ELAVL4: variants seen among roughly 807,000 people sequenced by gnomAD.
ELAVL4 encodes the protein ELAV like RNA binding protein 4.
ELAVL4 carries 1 observed loss-of-function variant against 35.6 expected under a neutral mutation model. The ratio of observed to expected loss-of-function variants is 0.03; its 90% CI spans 0.01 to 0.13. The LOEUF is 0.13. Among genes scored for constraint, ELAVL4 ranks in the 10% least tolerant of loss-of-function variants. The pLI, the probability that ELAVL4 is intolerant of heterozygous loss-of-function variation, is 1.00. For synonymous variants in ELAVL4, 156 were observed against 171.0 expected, an observed-to-expected ratio of 0.91 and a Z score of 0.69; for missense variants, 267 against 464.9, an observed-to-expected ratio of 0.57 and a Z score of 3.91.
At chr1:50,172,593 G>T (rs1679214901) in intron 2 of ELAVL4, among the ~76,000 whole-genome samples, 1 of 152,080 alleles carries the variant, frequency 6.6e-6, no homozygotes, top group Admixed American at 6.6e-5. Context: ...ACTGTCTATG[G>T]CTGCTACACA....
At chr1:50,065,928 T>C (rs1390497293) in intron 1 of ELAVL4, among the ~76,000 whole-genome samples, 1 of 152,120 alleles carries the variant, frequency 6.6e-6, no homozygotes, top group Non-Finnish European at 1.5e-5. Context: ...GGCTTGTTCA[T>C]ATGACAGCTG....
intron 2 of ELAVL4, among the ~76,000 whole-genome samples, chr1:50,153,866 A>G (rs1675243652): frequency 6.6e-6 from 1 of 152,192 alleles, no homozygotes; most frequent in Admixed American, 6.5e-5. Flanking sequence ...AGAGACTGGA[A>G]TTTTCTCCAT....
chr1:50,054,885 C>T (rs973863229), intron 1 of ELAVL4, among the ~76,000 whole-genome samples: 27 of 152,214 alleles, frequency 1.8e-4, no homozygotes, highest in African/African-American at 5.8e-4. Flanking sequence ...ATATCTCAGA[C>T]AGAAGAAAAG....
intron 1 of ELAVL4, among the ~76,000 whole-genome samples, chr1:50,081,873 CCT>C (rs1665025759): frequency 6.6e-6 from 1 of 152,064 alleles, no homozygotes; most frequent in African/African-American, 2.4e-5. Context: ...TGTTCCCCTC[CCT>C]GTGTCCATGT....
chr1:50,148,966 A>G (rs1204291045), intron 2 of ELAVL4, among the ~76,000 whole-genome samples: 2 of 152,190 alleles, frequency 1.3e-5, no homozygotes, highest in Non-Finnish European at 2.9e-5. Flanking sequence ...GGGCAAGGTT[A>G]GGTGGCTCAG....
At chr1:50,106,549 CT>C (rs1291340216), upstream of ELAVL4, among the ~76,000 whole-genome samples, 4 of 151,924 alleles carry the variant, frequency 2.6e-5, no homozygotes, top group Admixed American at 2.0e-4. Context: ...CTGCCTGATT[CT>C]TGAGATAATA....
chr1:50,082,348 C>A (rs1032574301), intron 1 of ELAVL4, among the ~76,000 whole-genome samples: 1 of 152,178 alleles, frequency 6.6e-6, no homozygotes, highest in African/African-American at 2.4e-5. Flanking sequence ...TCTGTTATTT[C>A]CTGACTTTTT....
rs1644388522 is a variant in ELAVL4, at chr1:50,201,397, A to C, written c.*219A>C. 2.7e-6 allele frequency: 1 copy of C among 374,456 alleles called. No homozygotes were observed. The allele number at this position is 374,456 out of a possible 1,614,324, so 23.2% of individuals were successfully genotyped here. ...ATAATGCTTAGAAAAAAAGAAAAAA[A>C]AAAAACAAAAAATACCTTTGATGCA... On this transcript the variant is annotated 3_prime_UTR_variant, in exon 7 of 7. Coordinates refer to ENST00000371824, the MANE Select transcript of ELAVL4 (RefSeq NM_001144774.3). This position sits in a 1 kb window ranked among gnomAD's most constrained non-coding sequence, Gnocchi z 4.3.
intron 1 of ELAVL4, chr1:50,048,275 C>T: frequency 7.2e-7 from 1 of 1,380,450 alleles, no homozygotes; most frequent in Non-Finnish European, 9.5e-7. Flanking sequence ...ACTGGCTTCT[C>T]CCAGCGGCCA....
chr1:50,088,048 C>G (rs995150395), intron 1 of ELAVL4, among the ~76,000 whole-genome samples: 1 of 152,166 alleles, frequency 6.6e-6, no homozygotes, highest in South Asian at 2.1e-4. Flanking sequence ...AAAAATCATT[C>G]TGATAGTTCC....
rs1228229236 is a variant in ELAVL4 at position 50,201,195 on chromosome 1, T to C, written c.*17T>C. On this transcript the variant is annotated 3_prime_UTR_variant, in exon 7 of 7. Transcript: ENST00000371824. The surrounding 1 kb of genome is among the most constrained non-coding windows in gnomAD (Gnocchi z 4.3). ...AAGTCCTGAATTTCCCATTCTTACT[T>C]ACTAAAATATATATAGAAATATATA... The C allele has an allele frequency of 3.3e-6, 5 of 1,538,296 alleles. No individual in the cohort carries two copies. Among genetic ancestry groups the C allele is most frequent in the Non-Finnish European group, 4.4e-6 (5 of 1,146,494 alleles).
At chr1:50,123,633 T>C (rs1453985917) in intron 1 of ELAVL4, among the ~76,000 whole-genome samples, 1 of 152,052 alleles carries the variant, frequency 6.6e-6, no homozygotes, top group East Asian at 1.9e-4. Context: ...TCTAGGTAGC[T>C]TCACAAAACC....
upstream of ELAVL4, among the ~76,000 whole-genome samples, chr1:50,103,653 A>G (rs748162660): frequency 3.9e-5 from 6 of 152,320 alleles, no homozygotes; most frequent in African/African-American, 7.2e-5. Context: ...ATAGTCACTG[A>G]TGACGCTATT....
chr1:50,161,280 T>G lies in ELAVL4; in HGVS notation c.251-15809T>G, dbSNP rs544102440. Reference sequence around the variant, plus strand: ...TTTTCAACCCTTGTTAAAAACATTTTTAAACGTGTGACTATTCTTTCCTGT... The same window carrying G: ...TTTTCAACCCTTGTTAAAAACATTTGTAAACGTGTGACTATTCTTTCCTGT... On this transcript the variant is annotated intron_variant, in intron 2 of 6. Transcript: ENST00000371824. 2.0e-5 allele frequency among the ~76,000 whole-genome samples: 3 copies of G among 152,326 alleles called. No homozygotes were observed. The South Asian group carries it at 6.2e-4, about 32-fold the overall frequency.
chr1:50,108,427 A>G (rs2148525205), upstream of ELAVL4, among the ~76,000 whole-genome samples: 1 of 152,352 alleles, frequency 6.6e-6, no homozygotes. Context: ...GAATTAGCAC[A>G]TTAAAGTGCT....
At chr1:50,131,866 T>G (rs938650994) in intron 1 of ELAVL4, among the ~76,000 whole-genome samples, 10 of 148,356 alleles carry the variant, frequency 6.7e-5, no homozygotes, top group Middle Eastern at 3.4e-3. Context: ...AAAGATAAAT[T>G]CAGAAGTAAA....
chr1:50,144,999 T>G lies in ELAVL4; in HGVS notation c.52T>G (p.Ser18Ala). 1 of 1,613,914 alleles carries G rather than the reference T, an allele frequency of 6.2e-7. No individual in the cohort carries two copies. The highest frequency in any genetic ancestry group is 8.5e-7 in the Non-Finnish European group (1 of 1,179,934). ...MEPQVSNGPT[S>A]NTSNGPSSNN... ...GCCTCAGGTGTCAAATGGTCCGACA[T>G]CCAATACAAGCAATGGACCCTCCAG... The change falls in exon 2 of 7, where the codon TCC (serine) becomes GCC (alanine). Residue 18 changes from serine to alanine, a missense_variant. Physicochemically the swap from Ser to Ala is moderately conservative, Grantham distance 99. This residue lies in a region of ELAVL4 where 51 missense variants were observed against 55.4 expected (regional missense o/e 0.92). Coordinates refer to ENST00000371824, the MANE Select transcript of ELAVL4 (RefSeq NM_001144774.3).
chr1:50,048,190 C>A, intron 1 of ELAVL4: 1 of 1,520,390 alleles, frequency 6.6e-7, no homozygotes, highest in Non-Finnish European at 8.8e-7. Flanking sequence ...CAGGTAGAAG[C>A]GCCTCGGCGC....
At chr1:50,136,747 C>A (rs1340209657) in intron 1 of ELAVL4, among the ~76,000 whole-genome samples, 2 of 152,094 alleles carry the variant, frequency 1.3e-5, no homozygotes, top group African/African-American at 2.4e-5. Context: ...GTAAAAGAAA[C>A]ATCATGTTCT....
Sources: gnomAD v4.1 joint callset for allele counts (sites outside exome capture counted in the v4.1 genomes callset) on GRCh38, gnomAD v4.1.1 for gene constraint, gnomAD v4.1.1 regional missense constraint, Gnocchi (gnomAD v3.1) non-coding constraint, MANE v1.5 for transcripts, NCBI Gene and HGNC (gene_info 2026-07-23, HGNC 2026-07-21) for gene names.